The following CNTN4 variants were observed in gnomAD, a reference collection of about 807,000 sequenced individuals.
The protein encoded by CNTN4 is contactin-4.
A neutral mutation model predicts 122.5 loss-of-function variants in CNTN4; 77 were observed. The ratio of observed to expected loss-of-function variants is 0.63; its 90% confidence interval spans 0.52 to 0.76. CNTN4 has a LOEUF of 0.76. Among genes scored for constraint, CNTN4 ranks in the 30% least tolerant of loss-of-function variants. The probability of loss-of-function intolerance (pLI) is 0.00; values close to 1 mark genes in which losing one functional copy is unlikely to be tolerated. For synonymous variants in CNTN4, 512 were observed against 447.0 expected (o/e 1.15, Z -1.83); for missense variants, 1,256 against 1,259.1 (o/e 1.00, Z 0.04).
At chr3:2,938,872 T>C (rs972454114) in intron 13 of CNTN4, among the ~76,000 whole-genome samples, 5 of 152,130 alleles carry the variant, frequency 3.3e-5, no homozygotes, top group Admixed American at 3.3e-4. Context: ...TGGAGTTAAG[T>C]GATCATGAAA....
intron 13 of CNTN4, among the ~76,000 whole-genome samples, chr3:2,985,049 C>A (rs1276866620): frequency 6.6e-6 from 1 of 152,174 alleles, no homozygotes. Context: ...CTGTTATATG[C>A]GTAGCTGTGA....
At chr3:2,101,999 G>C (rs2032005854) in intron 2 of CNTN4, among the ~76,000 whole-genome samples, 1 of 152,184 alleles carries the variant, frequency 6.6e-6, no homozygotes. Flanking sequence ...GTAACAAATA[G>C]ATTAAGCACA....
chr3:2,328,364 C>CAT (rs2043560670), intron 2 of CNTN4, among the ~76,000 whole-genome samples: 1 of 151,168 alleles, frequency 6.6e-6, no homozygotes, highest in Non-Finnish European at 1.5e-5. Flanking sequence ...CAAGATGGCG[C>CAT]CACCGCCCTC....
At chr3:2,969,623 C>T (rs1380900109) in intron 13 of CNTN4, among the ~76,000 whole-genome samples, 1 of 152,076 alleles carries the variant, frequency 6.6e-6, no homozygotes, top group Non-Finnish European at 1.5e-5. Flanking sequence ...AGTGACGTTG[C>T]TTCTTCCCTT....
intron 4 of CNTN4, among the ~76,000 whole-genome samples, chr3:2,662,726 G>T (rs73805379): frequency 6.6e-6 from 1 of 152,048 alleles, no homozygotes; most frequent in Admixed American, 6.6e-5. Context: ...TAAAGGAAGG[G>T]CAATCATGGC....
At chr3:2,711,078 A>C (rs2087119182) in intron 4 of CNTN4, among the ~76,000 whole-genome samples, 1 of 152,238 alleles carries the variant, frequency 6.6e-6, no homozygotes, top group South Asian at 2.1e-4. Context: ...TTTCTGAATG[A>C]ACTGTTTGAA....
rs538098293 is a variant in CNTN4, at chr3:2,110,920, G to C, written c.-145+10281G>C. Reference sequence around the variant, plus strand: ...TGTATTTGTGATATGCTTGGCAGTAGCATCATGTTAGTGAAAATTCCTGTG... The same window carrying C: ...TGTATTTGTGATATGCTTGGCAGTACCATCATGTTAGTGAAAATTCCTGTG... On this transcript the variant is annotated intron_variant, in intron 2 of 24. Coordinates refer to ENST00000418658, the MANE Select transcript of CNTN4 (RefSeq NM_175607.3). Among the ~76,000 whole-genome samples the C allele has an allele frequency of 2.3e-4, 35 of 152,278 alleles. No individual in the cohort carries two copies. The East Asian group carries it at 5.2e-3, about 23-fold the overall frequency.
chr3:2,372,756 A>G (rs1278212344), intron 3 of CNTN4, among the ~76,000 whole-genome samples: 2 of 151,876 alleles, frequency 1.3e-5, no homozygotes, highest in Non-Finnish European at 2.9e-5. Flanking sequence ...GCTGTAATAA[A>G]TTGTTTGACT....
In CNTN4 at chr3:2,819,602, A is replaced by G. The variant is rs1477904790; in HGVS notation, c.454+21A>G. The G allele has an allele frequency of 4.7e-6, 7 of 1,495,512 alleles. No homozygotes were observed. The East Asian group carries it at 1.6e-4, about 34-fold the overall frequency. 92.6% of individuals were successfully genotyped at this position (1,495,512 alleles called of 1,614,324 possible). On this transcript the variant is annotated intron_variant, in intron 7 of 24. Transcript: ENST00000418658. Reference sequence around the variant, plus strand: ...TGGAGGTACATATAAATGAACTGACATATGCATGCTTCACTCTCTGTTATT... The same window carrying G: ...TGGAGGTACATATAAATGAACTGACGTATGCATGCTTCACTCTCTGTTATT...
chr3:2,949,472 T>G (rs1246895150), intron 13 of CNTN4, among the ~76,000 whole-genome samples: 2 of 152,240 alleles, frequency 1.3e-5, no homozygotes, highest in Non-Finnish European at 2.9e-5. Context: ...GCACCCTTCC[T>G]TGCTTTTTTC....
chr3:2,358,065 C>T (rs1033288240), intron 3 of CNTN4, among the ~76,000 whole-genome samples: 3 of 152,172 alleles, frequency 2.0e-5, no homozygotes, highest in South Asian at 2.1e-4. Context: ...TGACATTTTA[C>T]TTAGTGTGGA....
intron 23 of CNTN4, among the ~76,000 whole-genome samples, chr3:3,050,669 A>G (rs1701167084): frequency 6.7e-6 from 1 of 150,070 alleles, no homozygotes; most frequent in African/African-American, 2.5e-5. Context: ...AGGCTGAGGC[A>G]GAAGAATTGC....
intron 13 of CNTN4, among the ~76,000 whole-genome samples, chr3:2,952,676 G>A (rs2094758236): frequency 6.6e-6 from 1 of 152,100 alleles, no homozygotes; most frequent in African/African-American, 2.4e-5. Flanking sequence ...ATATGGCATT[G>A]TATGACTTTG....
chr3:2,309,714 A>G (rs2042845853), intron 2 of CNTN4, among the ~76,000 whole-genome samples: 1 of 152,192 alleles, frequency 6.6e-6, no homozygotes, highest in African/African-American at 2.4e-5. Flanking sequence ...GAACACTTCA[A>G]TATTTTAATG....
chr3:2,611,255 C>A (rs2081470641), intron 4 of CNTN4, among the ~76,000 whole-genome samples: 1 of 125,034 alleles, frequency 8.0e-6, no homozygotes, highest in Non-Finnish European at 1.6e-5. Flanking sequence ...CTCATAAAGA[C>A]CAGAACATTT....
chr3:2,309,828 C>T (rs2042849487), intron 2 of CNTN4, among the ~76,000 whole-genome samples: 1 of 152,140 alleles, frequency 6.6e-6, no homozygotes, highest in South Asian at 2.1e-4. Flanking sequence ...CATTTGCCAC[C>T]TCTGTTTTCC....
At chr3:2,949,936 A>C (rs10510242) in intron 13 of CNTN4, among the ~76,000 whole-genome samples, 13,247 of 152,274 alleles carry the variant, frequency 0.087, 648 homozygotes, top group Middle Eastern at 0.14. Context: ...TGTTCATCTT[A>C]GTGGTTAAAA....
In CNTN4 at chr3:2,385,501, A is replaced by G. The variant is rs2150821210; in HGVS notation, c.-89+46268A>G. Among the ~76,000 whole-genome samples, 1 of 152,206 alleles carries G rather than the reference A, an allele frequency of 6.6e-6. No homozygotes were observed. Among genetic ancestry groups the G allele is most frequent in the Non-Finnish European group, 1.5e-5 (1 of 68,020 alleles). Reference sequence around the variant, plus strand: ...AAAGTACCATACACAGGGTGACTTAAAATGACAGAAGTTTATTCTCTCACA... The same window carrying G: ...AAAGTACCATACACAGGGTGACTTAGAATGACAGAAGTTTATTCTCTCACA... On this transcript the variant is annotated intron_variant, in intron 3 of 24. Transcript: ENST00000418658. This position sits in a 1 kb window ranked among gnomAD's most constrained non-coding sequence, Gnocchi z 4.0.
At position 2,866,816 on chromosome 3, in the gene CNTN4, T is replaced by G; in HGVS notation, c.519T>G (p.Ser173=). 2 of 1,614,050 alleles carry G rather than the reference T, an allele frequency of 1.2e-6. No individual in the cohort carries two copies. Among genetic ancestry groups the G allele is most frequent in the Non-Finnish European group, 1.7e-6 (2 of 1,179,932 alleles). The change falls in exon 8 of 25, where the codon TCT becomes TCG. Residue 173 remains serine (S), a synonymous_variant. Transcript: ENST00000418658. ...PSYQDNRRFV[S]QETGNLYIAK... The stretch of plus-strand genomic sequence containing the variant: ...ATCAGGATAATCGCCGCTTTGTTTC[T>G]CAAGAGACTGGGAATCTGTATATTG...
Sources: allele counts gnomAD v4.1 joint callset (sites outside exome capture counted in the v4.1 genomes callset), GRCh38; gene constraint gnomAD v4.1.1; non-coding constraint Gnocchi (gnomAD v3.1); transcripts MANE v1.5; gene names NCBI Gene and HGNC (gene_info 2026-07-23, HGNC 2026-07-21).